RABGAP1L: variants seen among roughly 807,000 people sequenced by gnomAD.
RABGAP1L encodes the protein rab GTPase-activating protein 1-like.
In RABGAP1L, 63 loss-of-function variants were observed where a neutral mutation model predicts 137.7. The observed-to-expected ratio is 0.46, with a 90% CI of 0.37 to 0.56. The LOEUF is 0.56. Among genes scored for constraint, RABGAP1L ranks in the 20% least tolerant of loss-of-function variants. RABGAP1L has a pLI of 0.00. For synonymous variants in RABGAP1L, 431 were observed against 433.7 expected (o/e 0.99, Z 0.08); for missense variants, 1,095 against 1,244.0 (o/e 0.88, Z 1.80).
At position 174,664,820 on chromosome 1, in the gene RABGAP1L, C is replaced by T. The variant is rs528017808; in HGVS notation, c.1825-18702C>T. Among the ~76,000 whole-genome samples, 4 of 147,212 alleles carry T rather than the reference C, an allele frequency of 2.7e-5. 1 individual carries two copies. The highest frequency in any genetic ancestry group is 1.4e-4 in the Admixed American group (2 of 14,546). ...TGGTGTGATCTTGGCTCACCGCAAC[C>T]TCTGCCTCCCGGGTTCAAGCGTTTC... On this transcript the variant is annotated intron_variant, in intron 14 of 25. Transcript: ENST00000681986.
intron 17 of RABGAP1L, among the ~76,000 whole-genome samples, chr1:174,722,917 C>T (rs1361409882): frequency 1.3e-5 from 2 of 152,146 alleles, no homozygotes; most frequent in Non-Finnish European, 2.9e-5. Flanking sequence ...CTATTTTGGC[C>T]TCAGCCAATA....
Position 174,420,831 on chromosome 1 carries a change from C to T in RABGAP1L, c.1710+26686C>T, listed in dbSNP as rs564543779. Among the ~76,000 whole-genome samples the T allele has an allele frequency of 8.6e-5, 13 of 152,010 alleles. 1 individual carries two copies. The South Asian group carries it at 2.3e-3, about 27-fold the overall frequency. ...CTGGGACTACAGGCGCCCGCCACCA[C>T]GCCCGGCTAATTTTTTTGTATTTTT... On this transcript the variant is annotated intron_variant, in intron 13 of 25. Transcript: ENST00000681986.
intron 19 of RABGAP1L, chr1:174,874,411 G>A (rs1195663378): frequency 3.1e-6 from 3 of 956,280 alleles, no homozygotes; most frequent in Non-Finnish European, 3.7e-6. Context: ...GCCCGGGGAC[G>A]GACAGCTAGC....
At chr1:174,573,999 C>T (rs972005855) in intron 13 of RABGAP1L, among the ~76,000 whole-genome samples, 1 of 152,212 alleles carries the variant, frequency 6.6e-6, no homozygotes, top group East Asian at 1.9e-4. Flanking sequence ...CAAAATGTCT[C>T]TGAGCAGCCA....
At chr1:174,714,723 A>C (rs567421266) in intron 17 of RABGAP1L, among the ~76,000 whole-genome samples, 1 of 152,166 alleles carries the variant, frequency 6.6e-6, no homozygotes, top group Non-Finnish European at 1.5e-5. Flanking sequence ...ACAGGCACCA[A>C]AGTTAACCTA....
intron 1 of RABGAP1L, among the ~76,000 whole-genome samples, chr1:174,191,754 G>A (rs139856290): frequency 1.8e-4 from 27 of 152,242 alleles, no homozygotes; most frequent in East Asian, 3.9e-4. Context: ...TAGCCAGTGC[G>A]TAGAGAATAA....
At chr1:174,981,240 G>T (rs1671077298) in intron 23 of RABGAP1L, among the ~76,000 whole-genome samples, 1 of 152,170 alleles carries the variant, frequency 6.6e-6, no homozygotes, top group African/African-American at 2.4e-5. Context: ...GTTGGAATTG[G>T]CTATTACTGG....
At position 174,698,735 on chromosome 1, in the gene RABGAP1L, T is replaced by C. The variant is rs1334369989; in HGVS notation, c.1900-790T>C. On this transcript the variant is annotated intron_variant, in intron 15 of 25. Coordinates refer to ENST00000681986, the MANE Select transcript of RABGAP1L (RefSeq NM_001366446.1). ...ATAGAAAGATTTCCAACATATATTGTTAAGGAAAAAAATCAAGATGTATAA... is the reference window on the plus strand; with the variant it reads ...ATAGAAAGATTTCCAACATATATTGCTAAGGAAAAAAATCAAGATGTATAA... 5.9e-5 allele frequency among the ~76,000 whole-genome samples: 9 copies of C among 152,196 alleles called. 1 individual carries two copies. In the South Asian group the frequency reaches 1.9e-3, roughly 32 times the overall value.
intron 13 of RABGAP1L, among the ~76,000 whole-genome samples, chr1:174,586,370 A>G (rs1669116320): frequency 1.3e-5 from 2 of 151,302 alleles, no homozygotes; most frequent in African/African-American, 2.4e-5. Flanking sequence ...GAGGGCAACA[A>G]TACACACTGG....
At chr1:174,895,012 C>T (rs1480118508) in intron 19 of RABGAP1L, among the ~76,000 whole-genome samples, 1 of 152,164 alleles carries the variant, frequency 6.6e-6, no homozygotes, top group Admixed American at 6.5e-5. Context: ...CCACCTCGGC[C>T]TCTTAAAGTG....
intron 19 of RABGAP1L, among the ~76,000 whole-genome samples, chr1:174,923,878 C>CAAAAAAAAAAAAAA (rs1176474943): frequency 1.1e-5 from 1 of 87,280 alleles, no homozygotes; most frequent in Non-Finnish European, 2.4e-5. Flanking sequence ...GAGACTGTCT[C>CAAAAAAAAAAAAAA]AAAAAAAAAA....
At position 174,349,513 on chromosome 1, in the gene RABGAP1L, A is replaced by G. The variant is rs866463484; in HGVS notation, c.1466-21466A>G. Among the ~76,000 whole-genome samples the G allele has an allele frequency of 7.7e-3, 801 of 104,288 alleles. 2 individuals are homozygous for G. Among genetic ancestry groups the G allele is most frequent in the Non-Finnish European group, 0.01 (510 of 50,810 alleles). 68.4% of individuals were successfully genotyped at this position (104,288 alleles called of 152,430 possible). A position where few individuals can be genotyped will look rare whatever the true frequency, so the allele number is the denominator to read the frequency against. On this transcript the variant is annotated intron_variant, in intron 11 of 25. Coordinates refer to ENST00000681986, the MANE Select transcript of RABGAP1L (RefSeq NM_001366446.1). ...GGCTGGCCGGGCAGAGGGGCTCCTC[A>G]CTTCCCAGTAGGGGCGGCCGGGCAG...
chr1:174,758,823 G>A (rs1684983725), intron 18 of RABGAP1L, among the ~76,000 whole-genome samples: 2 of 152,022 alleles, frequency 1.3e-5, no homozygotes, highest in Admixed American at 1.3e-4. Flanking sequence ...GAAATAATGT[G>A]CCCTCCCAAA....
At chr1:174,667,719 C>T (rs1426340703) in intron 14 of RABGAP1L, among the ~76,000 whole-genome samples, 1 of 152,112 alleles carries the variant, frequency 6.6e-6, no homozygotes, top group Non-Finnish European at 1.5e-5. Flanking sequence ...GCCTTCCTTG[C>T]CTTTAACTCT....
chr1:174,491,582 G>A lies in RABGAP1L; in HGVS notation c.1710+97437G>A, dbSNP rs529583644. Among the ~76,000 whole-genome samples, 286 of 152,204 alleles carry A rather than the reference G, an allele frequency of 1.9e-3. 4 individuals carry two copies. Among genetic ancestry groups the A allele is most frequent in the South Asian group, 3.7e-3 (18 of 4,828 alleles). On this transcript the variant is annotated intron_variant, in intron 13 of 25. Coordinates refer to ENST00000681986, the MANE Select transcript of RABGAP1L (RefSeq NM_001366446.1). The stretch of plus-strand genomic sequence containing the variant: ...GTGCAAGCACTGTATTAACCATTGT[G>A]TCTGGTGTCTCAGTAAGTTACATGT...
intron 13 of RABGAP1L, among the ~76,000 whole-genome samples, chr1:174,467,872 G>C (rs535086210): frequency 6.6e-6 from 1 of 152,140 alleles, no homozygotes; most frequent in Admixed American, 6.5e-5. Flanking sequence ...GCTAATAAAG[G>C]CTTTTTTGCT....
At chr1:174,639,782 G>A (rs1003312257) in intron 14 of RABGAP1L, among the ~76,000 whole-genome samples, 4 of 152,108 alleles carry the variant, frequency 2.6e-5, no homozygotes, top group Admixed American at 2.0e-4. Flanking sequence ...AAAGTTGAAC[G>A]ATTGGCACTT....
intron 19 of RABGAP1L, among the ~76,000 whole-genome samples, chr1:174,907,077 A>T (rs1369194297): frequency 9.5e-6 from 1 of 105,014 alleles, no homozygotes; most frequent in African/African-American, 2.7e-5. Context: ...CTAATGGGTT[A>T]AAAAAAAAAA....
At chr1:174,505,783 T>C (rs779740905) in intron 13 of RABGAP1L, among the ~76,000 whole-genome samples, 6 of 152,152 alleles carry the variant, frequency 3.9e-5, no homozygotes, top group Non-Finnish European at 5.9e-5. Context: ...TAGGATCCAG[T>C]AATCCCAATA....
Sources: allele counts gnomAD v4.1 joint callset (sites outside exome capture counted in the v4.1 genomes callset), GRCh38; gene constraint gnomAD v4.1.1; transcripts MANE v1.5; gene names NCBI Gene and HGNC (gene_info 2026-07-23, HGNC 2026-07-21).